SLC5A10: variants seen among roughly 807,000 people sequenced by gnomAD.
The protein encoded by SLC5A10 is solute carrier family 5 member 10.
Under a neutral mutation model 68.9 loss-of-function variants are expected in SLC5A10, and 55 were observed. That is an observed-to-expected ratio of 0.80 (90% CI 0.64 to 1.00). The LOEUF is 1.00. Ranked by LOEUF, SLC5A10 falls within the 50% of genes least tolerant of loss-of-function variation. The pLI, the probability that SLC5A10 is intolerant of heterozygous loss-of-function variation, is 0.00. For missense variants in SLC5A10, 732 were observed against 819.3 expected, an observed-to-expected ratio of 0.89 and a Z score of 1.30; for synonymous variants, 344 against 344.8, an observed-to-expected ratio of 1.00 and a Z score of 0.02.
At chr17:18,958,895 G>C in intron 2 of SLC5A10, 142 bp downstream of exon 2, 1 of 964,762 alleles carries the variant, frequency 1.0e-6, no homozygotes, top group Non-Finnish European at 1.6e-6. Context: ...CCCAAGTGAG[G>C]GGCATAGGGC....
rs1217933307 is a variant in SLC5A10 at position 18,969,124 on chromosome 17, A to G, written c.526A>G (p.Thr176Ala). The G allele has an allele frequency of 1.2e-6, 2 of 1,613,868 alleles. No homozygotes were observed. The highest frequency in any genetic ancestry group is 3.3e-5 in the Admixed American group (2 of 59,988). The part of the protein sequence containing the change: ...GWNFYLSTIL[T>A]LGITALYTIA... ...GAACTTCTACCTCTCCACCATCCTC[A>G]CGCTCGGCATCACAGCCCTGTACAC... is the stretch of plus-strand genomic sequence containing the variant. The change falls in exon 6 of 15, where the codon ACG becomes GCG. Residue 176 changes from threonine (T) to alanine (A), a missense_variant. Coordinates refer to ENST00000395645, the MANE Select transcript of SLC5A10 (RefSeq NM_001042450.4).
chr17:18,963,898 C>T (rs976684305), intron 5 of SLC5A10, among the ~76,000 whole-genome samples: 1 of 152,238 alleles, frequency 6.6e-6, no homozygotes, highest in Non-Finnish European at 1.5e-5. Context: ...CCACGGGGGT[C>T]GCTTTGCGCC....
At chr17:18,977,138 CAA>C in intron 9 of SLC5A10, 149 bp downstream of exon 9, 1 of 1,061,704 alleles carries the variant, frequency 9.4e-7, no homozygotes, top group Non-Finnish European at 1.3e-6. Context: ...CTCAGGGCCA[CAA>C]TCAAAGGGAT....
In SLC5A10 at chr17:19,003,954, C is replaced by T. The variant is rs1173943000; in HGVS notation, c.983-9456C>T. 2 of 1,612,954 alleles carry T rather than the reference C, an allele frequency of 1.2e-6. No individual in the cohort carries two copies. Among genetic ancestry groups the T allele is most frequent in the Non-Finnish European group, 1.7e-6 (2 of 1,179,948 alleles). The stretch of plus-strand genomic sequence containing the variant: ...AGGGCCTCCAGCGCCAGCCGCTGCT[C>T]CTCGCTGTAGAAGAACTCAGGCTTG... On this transcript the variant is annotated intron_variant, in intron 9 of 14. Transcript: ENST00000395645. This position sits in a 1 kb window ranked among gnomAD's most constrained non-coding sequence, Gnocchi z 4.5.
At chr17:18,952,588 T>C (rs2042391354) in intron 1 of SLC5A10, 1 of 356,270 alleles carries the variant, frequency 2.8e-6, no homozygotes, top group Non-Finnish European at 5.2e-6. Context: ...GCTGCCCAGC[T>C]GGAGTCCTTG....
At position 18,982,623 on chromosome 17, in the gene SLC5A10, C is replaced by T. The variant is rs181537314; in HGVS notation, c.982+5634C>T. Among the ~76,000 whole-genome samples, 407 of 152,252 alleles carry T rather than the reference C, an allele frequency of 2.7e-3. 1 individual carries two copies. Among genetic ancestry groups the T allele is most frequent in the African/African-American group, 9.1e-3 (380 of 41,560 alleles). On this transcript the variant is annotated intron_variant, in intron 9 of 14. Transcript: ENST00000395645. ...CGGGTGGTGCTTCATCTGCTCTCAG[C>T]GGGTGGCAAGGCAAGGTGGGGGCTC... is the stretch of plus-strand genomic sequence containing the variant.
chr17:19,014,230 C>T (rs2044082121), intron 10 of SLC5A10, among the ~76,000 whole-genome samples: 1 of 152,212 alleles, frequency 6.6e-6, no homozygotes, highest in Admixed American at 6.5e-5. Flanking sequence ...CAGACTTGAA[C>T]TCATCCCCAG....
chr17:18,997,802 G>GA (rs2043604593), intron 9 of SLC5A10, among the ~76,000 whole-genome samples: 1 of 152,234 alleles, frequency 6.6e-6, no homozygotes, highest in African/African-American at 2.4e-5. Flanking sequence ...AGTGAGGAGT[G>GA]AAGGTGGAGG....
At chr17:19,012,712 G>A (rs2044042013) in intron 9 of SLC5A10, among the ~76,000 whole-genome samples, 1 of 152,322 alleles carries the variant, frequency 6.6e-6, no homozygotes, top group Non-Finnish European at 1.5e-5. Flanking sequence ...CTTGTAGACT[G>A]TTGAGAGGCT....
chr17:18,981,387 G>A (rs1042514582), intron 9 of SLC5A10, among the ~76,000 whole-genome samples: 6 of 152,174 alleles, frequency 3.9e-5, no homozygotes, highest in Admixed American at 1.3e-4. Flanking sequence ...ACCCTGCACC[G>A]GCTTAAGAGC....
Position 19,022,241 on chromosome 17 carries a change from G to T in SLC5A10, c.*1810G>T. 1.5e-6 allele frequency: 1 copy of T among 653,846 alleles called. No homozygotes were observed. Among genetic ancestry groups the T allele is most frequent in the Non-Finnish European group, 2.5e-6 (1 of 401,258 alleles). The allele number at this position is 653,846 out of a possible 1,614,324, so 40.5% of individuals were successfully genotyped here. ...AAGAGAAGTGATTTGCCACAGGTGA[G>T]GAGGGGTCTCGGGCAGCACCGGAGT... On this transcript the variant is annotated 3_prime_UTR_variant, in exon 15 of 15. Transcript: ENST00000395645.
At chr17:18,972,057 G>C (rs895659257) in intron 8 of SLC5A10, among the ~76,000 whole-genome samples, 2 of 152,204 alleles carry the variant, frequency 1.3e-5, no homozygotes, top group Admixed American at 1.3e-4. Flanking sequence ...GGGGTTGTTG[G>C]AGGCAATGCA....
rs2044192687 is a variant in SLC5A10 at position 19,018,747 on chromosome 17, A to G, written c.1242-676A>G. 1 of 152,266 alleles carries G rather than the reference A, an allele frequency of 6.6e-6. No individual in the cohort carries two copies. Among genetic ancestry groups the G allele is most frequent in the South Asian group, 2.1e-4 (1 of 4,836 alleles). 9.4% of individuals were successfully genotyped at this position (152,266 alleles called of 1,614,324 possible). On this transcript the variant is annotated intron_variant, in intron 11 of 14. Transcript: ENST00000395645. This position sits in a 1 kb window ranked among gnomAD's most constrained non-coding sequence, Gnocchi z 4.2. ...AGTATGGGCTCTAACCCCAACCCAC[A>G]CCTCTGGCTCCAAACTTTGCATCCT...
At position 18,959,228 on chromosome 17, in the gene SLC5A10, T is replaced by C. The variant is rs1196856923; in HGVS notation, c.277T>C (p.Phe93Leu). 6.2e-7 allele frequency: 1 copy of C among 1,613,122 alleles called. No individual in the cohort carries two copies. Among genetic ancestry groups the C allele is most frequent in the East Asian group, 2.2e-5 (1 of 44,886 alleles). The stretch of plus-strand genomic sequence containing the variant: ...GGCAGGAGGTCTGGCCGTGGCAGGC[T>C]TCGAGTGGAATGTGAGTCCTGGAGG... Reference protein sequence around the residue: ...GAAGGLAVAGFEWNATYVLLA... With the variant: ...GAAGGLAVAGLEWNATYVLLA... The change falls in exon 3 of 15, where the codon TTC becomes CTC. Residue 93 changes from phenylalanine to leucine, a missense_variant. Transcript: ENST00000395645.
At chr17:19,001,985 G>A (rs1015410091) in intron 9 of SLC5A10, among the ~76,000 whole-genome samples, 3 of 152,206 alleles carry the variant, frequency 2.0e-5, no homozygotes, top group African/African-American at 7.2e-5. Flanking sequence ...CAGGCTCTCT[G>A]TGGGGACTGG....
At chr17:18,978,634 G>A (rs371247127) in intron 9 of SLC5A10, 108 of 1,612,990 alleles carry the variant, frequency 6.7e-5, no homozygotes, top group Admixed American at 1.0e-4. Context: ...TGGGGTTGAC[G>A]AGCTTCTTGG....
At chr17:18,965,892 T>G (rs1289172160) in intron 5 of SLC5A10, among the ~76,000 whole-genome samples, 1 of 152,200 alleles carries the variant, frequency 6.6e-6, no homozygotes, top group Admixed American at 6.5e-5. Context: ...GGTGGGACTT[T>G]GACAAAGTCA....
At chr17:18,993,433 AAG>A (rs1169566400) in intron 9 of SLC5A10, among the ~76,000 whole-genome samples, 1 of 152,184 alleles carries the variant, frequency 6.6e-6, no homozygotes. Flanking sequence ...AGACTCGGGT[AAG>A]AGGGGACAGT....
chr17:19,006,416 T>C (rs1422924786), intron 9 of SLC5A10, among the ~76,000 whole-genome samples: 1 of 150,112 alleles, frequency 6.7e-6, no homozygotes, highest in African/African-American at 2.4e-5. Context: ...TTTTTTTTTT[T>C]TTTGTAGAGA....
Sources: allele counts gnomAD v4.1 joint callset (sites outside exome capture counted in the v4.1 genomes callset), GRCh38; gene constraint gnomAD v4.1.1; non-coding constraint Gnocchi (gnomAD v3.1); transcripts MANE v1.5; gene names NCBI Gene and HGNC (gene_info 2026-07-23, HGNC 2026-07-21).